Variants in CAMSAP2 observed in about 807,000 individuals in gnomAD.
CAMSAP2 encodes the protein calmodulin-regulated spectrin-associated protein 2.
Under a neutral mutation model 146.1 loss-of-function variants are expected in CAMSAP2, and 26 were observed. The observed-to-expected ratio is 0.18, with a 90% CI of 0.13 to 0.25. CAMSAP2 has a LOEUF of 0.25. CAMSAP2 is among the 10% of genes least tolerant of loss of function. The pLI is 1.00. For missense variants in CAMSAP2, 1,381 were observed against 1,759.3 expected (o/e 0.78, Z 3.85); for synonymous variants, 499 against 596.6 (o/e 0.84, Z 2.38).
At position 200,824,136 on chromosome 1, in the gene CAMSAP2, T is replaced by A. The variant is rs149844597; in HGVS notation, c.646-8064T>A. ...GTTCTTTCCTTGACCTAAAATTAGC[T>A]ATTTCTTTATTTTGATGCTCAAATG... On this transcript the variant is annotated intron_variant, in intron 4 of 16. Transcript: ENST00000358823. Among the ~76,000 whole-genome samples the A allele has an allele frequency of 3.3e-5, 5 of 152,250 alleles. No individual in the cohort carries two copies. The East Asian group carries it at 9.7e-4, about 29-fold the overall frequency.
chr1:200,761,948 T>C (rs1023888017), intron 2 of CAMSAP2, among the ~76,000 whole-genome samples: 15 of 152,236 alleles, frequency 9.9e-5, no homozygotes, highest in African/African-American at 3.6e-4. Context: ...CATTGTATGC[T>C]GGTTCAGTCC....
chr1:200,844,058 A>G (rs1013532970), intron 7 of CAMSAP2, among the ~76,000 whole-genome samples: 1 of 151,710 alleles, frequency 6.6e-6, no homozygotes, highest in Non-Finnish European at 1.5e-5. Flanking sequence ...TTTTTAGTAG[A>G]GGTGGGGTTT....
chr1:200,785,103 C>G (rs906623996), intron 2 of CAMSAP2, among the ~76,000 whole-genome samples: 1 of 152,120 alleles, frequency 6.6e-6, no homozygotes, highest in African/African-American at 2.4e-5. Context: ...TGGAGTTAAA[C>G]TCAGTTGGTC....
intron 12 of CAMSAP2, 81 bp downstream of exon 12, chr1:200,852,758 A>T: frequency 4.3e-6 from 6 of 1,402,010 alleles, no homozygotes; most frequent in Non-Finnish European, 5.8e-6. Context: ...GTAAGTACTC[A>T]AAGAGGTGGT....
Position 200,858,977 on chromosome 1 carries a change from T to G in CAMSAP2, c.*918T>G, listed in dbSNP as rs1667815157. The G allele has an allele frequency of 6.6e-6, 1 of 152,528 alleles. No individual in the cohort carries two copies. Among genetic ancestry groups the G allele is most frequent in the Non-Finnish European group, 1.5e-5 (1 of 67,932 alleles). The allele number at this position is 152,528 out of a possible 1,614,324, so 9.4% of individuals were successfully genotyped here. A position where few individuals can be genotyped will look rare whatever the true frequency, so the allele number is the denominator to read the frequency against. On this transcript the variant is annotated 3_prime_UTR_variant, in exon 17 of 17. Transcript: ENST00000358823. ...ATGTAAGACTTCCTGAAACAAGTTC[T>G]CAAGAAGTCTTTACATTATATTTAT...
chr1:200,769,480 C>A (rs1346981531), intron 2 of CAMSAP2, among the ~76,000 whole-genome samples: 6 of 152,090 alleles, frequency 3.9e-5, no homozygotes, highest in African/African-American at 1.4e-4. Context: ...GTGTCAGATC[C>A]CACAGGTTGA....
rs201060852 is a variant in CAMSAP2 at position 200,816,897 on chromosome 1, TACAC to T, written c.645+1260_645+1263del. ...ACACACACACGCGTGTGTATGTGTG[TACAC>T]ACACACGCGTGTGTATGTGTGTACA... On this transcript the variant is annotated intron_variant, in intron 4 of 16. Coordinates refer to ENST00000358823, the MANE Select transcript of CAMSAP2 (RefSeq NM_203459.4). Among the ~76,000 whole-genome samples the T allele has an allele frequency of 1.2e-3, 63 of 50,540 alleles. 14 individuals are homozygous for T. Among genetic ancestry groups the T allele is most frequent in the African/African-American group, 4.2e-3 (51 of 12,060 alleles). The allele number at this position is 50,540 out of a possible 152,430, so 33.2% of individuals were successfully genotyped here.
At chr1:200,764,129 A>T (rs6427857) in intron 2 of CAMSAP2, among the ~76,000 whole-genome samples, 110,261 of 152,104 alleles carry the variant, frequency 0.72, 40,047 homozygotes, top group Middle Eastern at 0.78. Flanking sequence ...ATGTAAATTA[A>T]CAGTTTTTTT....
At chr1:200,748,868 T>C (rs1259836324) in intron 1 of CAMSAP2, among the ~76,000 whole-genome samples, 1 of 152,166 alleles carries the variant, frequency 6.6e-6, no homozygotes, top group Non-Finnish European at 1.5e-5. Flanking sequence ...GCTGAAATGC[T>C]GTTTTAAAAA....
intron 2 of CAMSAP2, among the ~76,000 whole-genome samples, chr1:200,767,885 A>G (rs1244083527): frequency 6.6e-6 from 1 of 152,194 alleles, no homozygotes; most frequent in African/African-American, 2.4e-5. Flanking sequence ...ATATCTTTTG[A>G]TACCTTACAA....
intron 1 of CAMSAP2, among the ~76,000 whole-genome samples, chr1:200,748,645 C>G (rs1571711755): frequency 6.6e-6 from 1 of 151,784 alleles, no homozygotes; most frequent in Non-Finnish European, 1.5e-5. Context: ...AGTATTTGTC[C>G]TATAAAGTCT....
chr1:200,848,426 G>A lies in CAMSAP2; in HGVS notation c.1657G>A (p.Glu553Lys). 6.2e-7 allele frequency: 1 copy of A among 1,613,766 alleles called. No individual in the cohort carries two copies. Residue 553 changes from glutamate (E) to lysine (K), a missense_variant, in exon 11 of 17, where the codon GAA becomes AAA. Around this residue, in one of 4 missense-constraint regions of CAMSAP2, gnomAD observed 447 missense variants for 462.2 expected, o/e 0.97. Coordinates refer to ENST00000358823, the MANE Select transcript of CAMSAP2 (RefSeq NM_203459.4). ...EEALQIIHDT[E>K]KSPHTPQPDQ... is the part of the protein sequence containing the mutation. ...AGCATTACAAATAATTCATGATACTGAAAAATCTCCTCATACACCTCAGCC... is the reference window on the plus strand; with the variant it reads ...AGCATTACAAATAATTCATGATACTAAAAAATCTCCTCATACACCTCAGCC...
At chr1:200,773,676 T>G (rs1359654218) in intron 2 of CAMSAP2, among the ~76,000 whole-genome samples, 1 of 152,158 alleles carries the variant, frequency 6.6e-6, no homozygotes, top group Non-Finnish European at 1.5e-5. Context: ...GGAGTAATAA[T>G]GTTCTCCTAG....
At chr1:200,755,200 C>T (rs2102996011) in intron 1 of CAMSAP2, among the ~76,000 whole-genome samples, 1 of 152,334 alleles carries the variant, frequency 6.6e-6, no homozygotes, top group Non-Finnish European at 1.5e-5. Context: ...AACCAAGATA[C>T]AGGTGCTAGG....
intron 2 of CAMSAP2, among the ~76,000 whole-genome samples, chr1:200,769,284 A>G (rs1480889148): frequency 6.6e-6 from 1 of 152,180 alleles, no homozygotes; most frequent in African/African-American, 2.4e-5. Flanking sequence ...TTGAGCTGAT[A>G]TTGCTAAACT....
Position 200,854,903 on chromosome 1 carries a change from G to A in CAMSAP2, c.3896+14G>A, listed in dbSNP as rs776160613. The A allele has an allele frequency of 2.5e-5, 40 of 1,579,636 alleles. No individual in the cohort carries two copies. Among genetic ancestry groups the A allele is most frequent in the African/African-American group, 4.1e-5 (3 of 73,932 alleles). On this transcript the variant is annotated intron_variant, in intron 14 of 16. Transcript: ENST00000358823. ...GAGGACGCCAAGGTAAATCTATAAC[G>A]TATGAATATTTTTACAGAAAAGAAT...
At chr1:200,801,044 T>A (rs1028947958) in intron 2 of CAMSAP2, among the ~76,000 whole-genome samples, 2 of 152,154 alleles carry the variant, frequency 1.3e-5, no homozygotes, top group African/African-American at 4.8e-5. Context: ...GACGGGCGGA[T>A]CACAGGGTCG....
chr1:200,815,015 GAGAA>G (rs1451325547), intron 3 of CAMSAP2, among the ~76,000 whole-genome samples: 1 of 151,454 alleles, frequency 6.6e-6, no homozygotes, highest in Non-Finnish European at 1.5e-5. Flanking sequence ...ATAATCTGAT[GAGAA>G]AGAAATTAAG....
At chr1:200,817,731 C>T (rs1666644458) in intron 4 of CAMSAP2, among the ~76,000 whole-genome samples, 1 of 152,172 alleles carries the variant, frequency 6.6e-6, no homozygotes, top group African/African-American at 2.4e-5. Flanking sequence ...TTGTGGAGGA[C>T]CACGTACAAT....
Sources: gnomAD v4.1 joint callset for allele counts (sites outside exome capture counted in the v4.1 genomes callset) on GRCh38, gnomAD v4.1.1 for gene constraint, gnomAD v4.1.1 regional missense constraint, MANE v1.5 for transcripts, NCBI Gene and HGNC (gene_info 2026-07-23, HGNC 2026-07-21) for gene names.